IPO11: variants seen among roughly 807,000 people sequenced by gnomAD.
The protein encoded by IPO11 is importin 11, also known as importin-11.
A neutral mutation model predicts 143.2 loss-of-function variants in IPO11; 66 were observed. That is an observed-to-expected ratio of 0.46 (90% CI 0.38 to 0.57). IPO11 has a LOEUF of 0.57. Ranked by LOEUF, IPO11 falls within the 20% of genes least tolerant of loss-of-function variation. The pLI, the probability that IPO11 is intolerant of heterozygous loss-of-function variation, is 0.00. For missense variants in IPO11, 1,026 were observed against 1,141.0 expected (o/e 0.90, Z 1.45); for synonymous variants, 385 against 377.8 (o/e 1.02, Z -0.22).
intron 5 of IPO11, among the ~76,000 whole-genome samples, chr5:62,463,231 A>G (rs1745437174): frequency 6.6e-6 from 1 of 152,006 alleles, no homozygotes; most frequent in Non-Finnish European, 1.5e-5. Context: ...CATTTTGTAG[A>G]AAAAGGGTCT....
chr5:62,570,633 A>G (rs1744102796), intron 27 of IPO11, among the ~76,000 whole-genome samples: 1 of 152,186 alleles, frequency 6.6e-6, no homozygotes, highest in Admixed American at 6.5e-5. Context: ...TGTGTCTTCC[A>G]TCTCCTGTCC....
chr5:62,470,908 A>G (rs1027441550), intron 7 of IPO11, among the ~76,000 whole-genome samples: 2 of 133,924 alleles, frequency 1.5e-5, no homozygotes, highest in African/African-American at 2.9e-5. Context: ...GGTCTCTGCA[A>G]CCTCTGCCTC....
Position 62,443,037 on chromosome 5 carries a change from T to C in IPO11, c.193T>C (p.Tyr65His). ...DINVRWLAVL[Y>H]FKHGIDRYWR... The stretch of plus-strand genomic sequence containing the variant: ...AAATGTAAGGTGGCTTGCTGTACTG[T>C]ATTTTAAACATGGAATTGATCGCTA... The change falls in exon 3 of 30, where the codon TAT becomes CAT. Residue 65 changes from tyrosine to histidine, a missense_variant. Tyr to His is a moderately conservative substitution (Grantham distance 83). This residue lies in a region of IPO11 where 429 missense variants were observed against 456.3 expected (regional missense o/e 0.94). Coordinates refer to ENST00000325324, the MANE Select transcript of IPO11 (RefSeq NM_016338.5). 1 of 1,612,938 alleles carries C rather than the reference T, an allele frequency of 6.2e-7. No individual in the cohort carries two copies. The highest frequency in any genetic ancestry group is 8.5e-7 in the Non-Finnish European group (1 of 1,179,378).
At position 62,536,414 on chromosome 5, in the gene IPO11, TATTC is replaced by T. The variant is rs33998415; in HGVS notation, c.2090-260_2090-257del. ...GCATTAAGCTTTGGGTTGATACCAG[TATTC>T]ATTCATTCATTCATTCATTCATTCA... On this transcript the variant is annotated intron_variant, in intron 22 of 29. Transcript: ENST00000325324. Among the ~76,000 whole-genome samples the T allele has an allele frequency of 9.5e-5, 12 of 125,892 alleles. No individual in the cohort carries two copies. The South Asian group carries it at 1.0e-3, about 11-fold the overall frequency. 82.6% of individuals were successfully genotyped at this position (125,892 alleles called of 152,430 possible).
At chr5:62,506,981 C>CTTAG (rs1580259819) in intron 19 of IPO11, among the ~76,000 whole-genome samples, 1 of 152,314 alleles carries the variant, frequency 6.6e-6, no homozygotes, top group East Asian at 1.9e-4. Context: ...ATTTCACAGA[C>CTTAG]TTAGAGTTTA....
At chr5:62,580,201 GA>G in intron 27 of IPO11, 1 of 1,551,106 alleles carries the variant, frequency 6.4e-7, no homozygotes, top group East Asian at 2.4e-5. Flanking sequence ...TGCCAATCTG[GA>G]ATACCTCCTC....
intron 29 of IPO11, among the ~76,000 whole-genome samples, chr5:62,623,138 A>G (rs1242445320): frequency 6.6e-6 from 1 of 152,238 alleles, no homozygotes; most frequent in Non-Finnish European, 1.5e-5. Context: ...CAGCAAAACA[A>G]TTAGTCAGAA....
chr5:62,415,825 C>T (rs930306286), intron 1 of IPO11, among the ~76,000 whole-genome samples: 1 of 152,128 alleles, frequency 6.6e-6, no homozygotes, highest in Non-Finnish European at 1.5e-5. Flanking sequence ...AAATGAAATA[C>T]ATTGAGTGGG....
intron 28 of IPO11, among the ~76,000 whole-genome samples, chr5:62,598,243 G>A (rs1347595550): frequency 6.6e-6 from 1 of 151,934 alleles, no homozygotes; most frequent in Admixed American, 6.6e-5. Flanking sequence ...TTCTGAAACA[G>A]TGGTAGCATG....
At chr5:62,593,268 C>T (rs1194637979) in intron 28 of IPO11, among the ~76,000 whole-genome samples, 1 of 152,008 alleles carries the variant, frequency 6.6e-6, no homozygotes, top group Admixed American at 6.6e-5. Flanking sequence ...CATGTTTTAA[C>T]TGGAAGAGGT....
Position 62,451,881 on chromosome 5 carries a change from C to A in IPO11, c.464C>A (p.Thr155Asn), listed in dbSNP as rs1398152593. The A allele has an allele frequency of 6.2e-7, 1 of 1,614,074 alleles. No individual in the cohort carries two copies. The highest frequency in any genetic ancestry group is 8.5e-7 in the Non-Finnish European group (1 of 1,179,926). ...GCATTACTTACCTTCTATCATGTTA[C>A]CAAGACACTGGCATCTAAACGACTT... Reference protein sequence around the residue: ...HRALLTFYHVTKTLASKRLAA... With the variant: ...HRALLTFYHVNKTLASKRLAA... The change falls in exon 5 of 30, where the codon ACC becomes AAC. Residue 155 changes from threonine (T) to asparagine (N), a missense_variant. Coordinates refer to ENST00000325324, the MANE Select transcript of IPO11 (RefSeq NM_016338.5).
chr5:62,443,093 A>T lies in IPO11; in HGVS notation c.239+10A>T. 1 of 1,532,108 alleles carries T rather than the reference A, an allele frequency of 6.5e-7. No homozygotes were observed. The highest frequency in any genetic ancestry group is 9.0e-7 in the Non-Finnish European group (1 of 1,111,076). The allele number at this position is 1,532,108 out of a possible 1,614,324, so 94.9% of individuals were successfully genotyped here. A position where few individuals can be genotyped will look rare whatever the true frequency, so the allele number is the denominator to read the frequency against. ...GACGTGTAGCACCTCAGTAAGTTCC[A>T]TCACTTCCCCTATTCCTTGAGTATA... On this transcript the variant is annotated intron_variant, in intron 3 of 29. Transcript: ENST00000325324.
rs117679224 is a variant in IPO11, at chr5:62,470,318, C to A, written c.708+10C>A. 1 of 1,611,956 alleles carries A rather than the reference C, an allele frequency of 6.2e-7. No homozygotes were observed. The highest frequency in any genetic ancestry group is 1.7e-5 in the Admixed American group (1 of 59,970). ...GAATATGGAGGTGATGGTAAGTGAT[C>A]GAAGAAATTTGCTGTGACTTTGGGA... On this transcript the variant is annotated intron_variant, in intron 7 of 29. Coordinates refer to ENST00000325324, the MANE Select transcript of IPO11 (RefSeq NM_016338.5).
intron 1 of IPO11, among the ~76,000 whole-genome samples, chr5:62,413,686 G>A (rs1268134513): frequency 6.6e-6 from 1 of 152,168 alleles, no homozygotes; most frequent in Non-Finnish European, 1.5e-5. Context: ...ATTTAAACGA[G>A]CTCAGTTGTA....
intron 27 of IPO11, among the ~76,000 whole-genome samples, chr5:62,586,766 AAAATATATAT>A (rs1311637861): frequency 4.2e-4 from 32 of 76,234 alleles, no homozygotes; most frequent in Non-Finnish European, 6.6e-4. Flanking sequence ...AAAAAAAAAA[AAAATATATAT>A]ATATATATAT....
chr5:62,580,810 A>T (rs1278776050), intron 27 of IPO11: 1 of 1,551,408 alleles, frequency 6.4e-7, no homozygotes, highest in Admixed American at 2.0e-5. Flanking sequence ...CTGGGAACGA[A>T]TTCCTACTTC....
chr5:62,597,019 C>T (rs888441685), intron 28 of IPO11, among the ~76,000 whole-genome samples: 2 of 152,160 alleles, frequency 1.3e-5, no homozygotes, highest in Non-Finnish European at 2.9e-5. Context: ...GAATTCATTC[C>T]ATCTTTCCCT....
At position 62,439,489 on chromosome 5, in the gene IPO11, G is replaced by A. The variant is rs1486606844; in HGVS notation, c.138+2072G>A. 3.3e-5 allele frequency among the ~76,000 whole-genome samples: 5 copies of A among 151,724 alleles called. No individual in the cohort carries two copies. The East Asian group carries it at 7.8e-4, about 24-fold the overall frequency. ...TTTTTAGTAGAGATGGGGTTTCACC[G>A]TGTTAGCCAGGATGGTCTCAATCTC... is the stretch of plus-strand genomic sequence containing the variant. On this transcript the variant is annotated intron_variant, in intron 2 of 29. Transcript: ENST00000325324.
intron 27 of IPO11, among the ~76,000 whole-genome samples, chr5:62,565,871 C>T (rs934761700): frequency 2.0e-5 from 3 of 151,520 alleles, no homozygotes; most frequent in Admixed American, 2.0e-4. Flanking sequence ...TGAGTGAGAG[C>T]ATGCAGTGCT....
Sources: allele counts gnomAD v4.1 joint callset (sites outside exome capture counted in the v4.1 genomes callset), GRCh38; gene constraint gnomAD v4.1.1; regional missense constraint gnomAD v4.1.1; transcripts MANE v1.5; gene names NCBI Gene and HGNC (gene_info 2026-07-23, HGNC 2026-07-21).